PRKCE: variants seen among roughly 807,000 people sequenced by gnomAD.
PRKCE encodes protein kinase C epsilon, also known as protein kinase C epsilon type.
Under a neutral mutation model 85.4 loss-of-function variants are expected in PRKCE, and 16 were observed. The ratio of observed to expected loss-of-function variants is 0.19; its 90% CI spans 0.13 to 0.28. PRKCE has a LOEUF of 0.28. Among genes scored for constraint, PRKCE ranks in the 10% least tolerant of loss-of-function variants. The pLI is 1.00. For synonymous variants in PRKCE, 388 were observed against 371.5 expected (o/e 1.04, Z -0.51); for missense variants, 573 against 975.2 (o/e 0.59, Z 5.49).
chr2:46,069,684 T>A (rs1335098989), intron 10 of PRKCE, among the ~76,000 whole-genome samples: 1 of 152,196 alleles, frequency 6.6e-6, no homozygotes. Flanking sequence ...ATAGCATCAC[T>A]GTTATAATAA....
chr2:46,059,077 G>A (rs956121256), intron 10 of PRKCE, among the ~76,000 whole-genome samples: 3 of 152,096 alleles, frequency 2.0e-5, no homozygotes, highest in Admixed American at 6.5e-5. Context: ...TGGCAAGACC[G>A]TGTCTCCACA....
At position 46,185,183 on chromosome 2, in the gene PRKCE, G is replaced by A; in HGVS notation, c.*302G>A. On this transcript the variant is annotated 3_prime_UTR_variant, in exon 15 of 15. Transcript: ENST00000306156. The surrounding 1 kb of genome is among the most constrained non-coding windows in gnomAD (Gnocchi z 4.7). The stretch of plus-strand genomic sequence containing the variant: ...CTGGTTCCACTCCTCAGGGGCTCCT[G>A]GCAGTGAAGCAACTTCAGTTCTTTT... 3.3e-6 allele frequency: 1 copy of A among 301,686 alleles called. No homozygotes were observed. Among genetic ancestry groups the A allele is most frequent in the Non-Finnish European group, 6.1e-6 (1 of 164,356 alleles). The allele number at this position is 301,686 out of a possible 1,614,324, so 18.7% of individuals were successfully genotyped here.
At chr2:45,883,697 T>G (rs1380364207) in intron 2 of PRKCE, among the ~76,000 whole-genome samples, 1 of 152,162 alleles carries the variant, frequency 6.6e-6, no homozygotes, top group Non-Finnish European at 1.5e-5. Flanking sequence ...CTATATGATG[T>G]CAGTCAGTTC....
intron 2 of PRKCE, among the ~76,000 whole-genome samples, chr2:45,961,206 AAGTAC>A (rs1284291452): frequency 6.6e-6 from 1 of 152,242 alleles, no homozygotes; most frequent in East Asian, 1.9e-4. Context: ...GTGTAACACC[AAGTAC>A]AGTAGTCACA....
chr2:46,119,542 C>T (rs1273887796), intron 11 of PRKCE, among the ~76,000 whole-genome samples: 1 of 152,194 alleles, frequency 6.6e-6, no homozygotes, highest in Non-Finnish European at 1.5e-5. Flanking sequence ...AATTTCTAAT[C>T]TTTCTAGGCT....
At chr2:46,095,329 C>T (rs866714961) in intron 11 of PRKCE, among the ~76,000 whole-genome samples, 16 of 152,176 alleles carry the variant, frequency 1.1e-4, no homozygotes, top group Middle Eastern at 3.2e-3. Context: ...TTAGAGGACC[C>T]GGCTTCCAGA....
intron 11 of PRKCE, among the ~76,000 whole-genome samples, chr2:46,105,966 G>A (rs1013794176): frequency 1.3e-5 from 2 of 152,232 alleles, no homozygotes; most frequent in Non-Finnish European, 2.9e-5. Context: ...TTAGATTTAT[G>A]TATGTTTTAT....
chr2:45,952,927 G>T (rs1219402021), intron 2 of PRKCE, among the ~76,000 whole-genome samples: 2 of 152,222 alleles, frequency 1.3e-5, no homozygotes, highest in Admixed American at 1.3e-4. Context: ...ATAGATCACA[G>T]TATGAGGATT....
intron 1 of PRKCE, among the ~76,000 whole-genome samples, chr2:45,838,546 C>G (rs1271174626): frequency 6.6e-6 from 1 of 152,176 alleles, no homozygotes; most frequent in Non-Finnish European, 1.5e-5. Flanking sequence ...TATAGCCCTT[C>G]CTGCCCCGGG....
intron 11 of PRKCE, among the ~76,000 whole-genome samples, chr2:46,120,043 T>A (rs1639686530): frequency 6.6e-6 from 1 of 152,200 alleles, no homozygotes; most frequent in African/African-American, 2.4e-5. Context: ...CCTTTGTTCA[T>A]AAGTTTTCAA....
rs921312358 is a variant in PRKCE, at chr2:45,951,856, G to A, written c.413-24573G>A. Among the ~76,000 whole-genome samples, 8 of 152,204 alleles carry A rather than the reference G, an allele frequency of 5.3e-5. No homozygotes were observed. In the East Asian group the frequency reaches 1.2e-3, roughly 22 times the overall value. ...TTTGTTTTGTTTTGTTTTTTGAGAC[G>A]GAGTCTTGCTCTGTCGCCCAGGCTG... On this transcript the variant is annotated intron_variant, in intron 2 of 14. Transcript: ENST00000306156.
Position 45,882,397 on chromosome 2 carries a change from G to C in PRKCE, c.412+39334G>C, listed in dbSNP as rs962112138. Among the ~76,000 whole-genome samples, 5 of 152,202 alleles carry C rather than the reference G, an allele frequency of 3.3e-5. No homozygotes were observed. In the East Asian group the frequency reaches 9.6e-4, roughly 29 times the overall value. On this transcript the variant is annotated intron_variant, in intron 2 of 14. Transcript: ENST00000306156. ...ACACGTGGGTTAATGCAACATCCTTGCTCTGATGTCCGCAGTCTCATAGTA... is the reference window on the plus strand; with the variant it reads ...ACACGTGGGTTAATGCAACATCCTTCCTCTGATGTCCGCAGTCTCATAGTA...
intron 1 of PRKCE, among the ~76,000 whole-genome samples, chr2:45,800,939 T>C (rs536484538): frequency 1.3e-5 from 2 of 152,302 alleles, no homozygotes; most frequent in South Asian, 4.1e-4. Context: ...TTACAATACC[T>C]GGAAACTAAC....
At chr2:45,681,028 C>G in intron 1 of PRKCE, among the ~76,000 whole-genome samples, 2 of 152,050 alleles carry the variant, frequency 1.3e-5, no homozygotes, top group Admixed American at 1.3e-4. Context: ...CGGTGGCGCA[C>G]GCCTGTAATC....
intron 10 of PRKCE, among the ~76,000 whole-genome samples, chr2:46,016,601 C>G (rs1460167535): frequency 6.6e-6 from 1 of 152,080 alleles, no homozygotes; most frequent in Non-Finnish European, 1.5e-5. Context: ...TTGAATAGGA[C>G]CTTTGCTTTT....
At chr2:45,803,113 A>C (rs182681911) in intron 1 of PRKCE, among the ~76,000 whole-genome samples, 1 of 152,252 alleles carries the variant, frequency 6.6e-6, no homozygotes, top group Non-Finnish European at 1.5e-5. Flanking sequence ...CTTAAAGAGA[A>C]ATTCAAAATT....
At chr2:45,731,545 A>C (rs1248009186) in intron 1 of PRKCE, among the ~76,000 whole-genome samples, 1 of 152,026 alleles carries the variant, frequency 6.6e-6, no homozygotes, top group African/African-American at 2.4e-5. Context: ...AGAGACATTA[A>C]GTGTCTTGGA....
At chr2:45,815,121 A>G (rs1263324289) in intron 1 of PRKCE, among the ~76,000 whole-genome samples, 1 of 152,204 alleles carries the variant, frequency 6.6e-6, no homozygotes, top group Non-Finnish European at 1.5e-5. Context: ...TTAGTCCCCA[A>G]GCCAGAACCT....
intron 11 of PRKCE, among the ~76,000 whole-genome samples, chr2:46,127,252 G>C (rs187718322): frequency 2.2e-4 from 33 of 152,220 alleles, no homozygotes; most frequent in Admixed American, 2.2e-3. Flanking sequence ...GGATTCTTAG[G>C]ATCTTTTTAA....
Sources: allele counts gnomAD v4.1 joint callset (sites outside exome capture counted in the v4.1 genomes callset), GRCh38; gene constraint gnomAD v4.1.1; non-coding constraint Gnocchi (gnomAD v3.1); transcripts MANE v1.5; gene names NCBI Gene and HGNC (gene_info 2026-07-23, HGNC 2026-07-21).